PID1: variants seen among roughly 807,000 people sequenced by gnomAD.
The protein encoded by PID1 is phosphotyrosine interaction domain containing 1, also known as PTB-containing, cubilin and LRP1-interacting protein.
In PID1, 10 loss-of-function variants were observed where a neutral mutation model predicts 19.1. The observed-to-expected ratio is 0.52, with a 90% CI of 0.32 to 0.89. The LOEUF is 0.89. Ranked by LOEUF, PID1 falls within the 40% of genes least tolerant of loss-of-function variation. The probability of loss-of-function intolerance (pLI) is 0.03; values close to 1 mark genes in which losing one functional copy is unlikely to be tolerated. For synonymous variants in PID1, 130 were observed against 116.0 expected (o/e 1.12, Z -0.78); for missense variants, 248 against 285.3 (o/e 0.87, Z 0.94).
chr2:229,046,985 T>C (rs1693895611), intron 2 of PID1, among the ~76,000 whole-genome samples: 1 of 152,180 alleles, frequency 6.6e-6, no homozygotes, highest in Admixed American at 6.5e-5. Flanking sequence ...CCTACCATCT[T>C]GATAGCTGCA....
intron 2 of PID1, among the ~76,000 whole-genome samples, chr2:229,114,325 T>C (rs1321273868): frequency 6.6e-6 from 1 of 152,126 alleles, no homozygotes; most frequent in Non-Finnish European, 1.5e-5. Flanking sequence ...ATTTAAGAAG[T>C]GCAGCTGTCT....
intron 1 of PID1, among the ~76,000 whole-genome samples, chr2:229,226,005 T>G (rs1268681713): frequency 6.6e-6 from 1 of 152,146 alleles, no homozygotes; most frequent in Admixed American, 6.5e-5. Context: ...TGAGAGACCA[T>G]AAGAATGTCC....
At position 229,128,467 on chromosome 2, in the gene PID1, G is replaced by T. The variant is rs532318500; in HGVS notation, c.177+27351C>A. Reference sequence around the variant, plus strand: ...GAAATGTACAAATGGACTTATTTATGACTTTTGTTGCTTTGATACGAAAAC... The same window carrying T: ...GAAATGTACAAATGGACTTATTTATTACTTTTGTTGCTTTGATACGAAAAC... On this transcript the variant is annotated intron_variant, in intron 2 of 2. Transcript: ENST00000392055. Among the ~76,000 whole-genome samples the T allele has an allele frequency of 3.3e-5, 5 of 152,202 alleles. No homozygotes were observed. In the South Asian group the frequency reaches 1.0e-3, roughly 32 times the overall value.
intron 2 of PID1, among the ~76,000 whole-genome samples, chr2:229,073,063 T>C (rs894596907): frequency 4.6e-5 from 7 of 152,226 alleles, no homozygotes; most frequent in African/African-American, 1.7e-4. Context: ...TCTCGCTCTG[T>C]CACCCAGGCT....
chr2:229,196,312 A>C (rs1325698627), intron 1 of PID1, among the ~76,000 whole-genome samples: 1 of 152,098 alleles, frequency 6.6e-6, no homozygotes, highest in African/African-American at 2.4e-5. Context: ...TAGCCTTTTC[A>C]AACATATTTT....
intron 1 of PID1, among the ~76,000 whole-genome samples, chr2:229,176,795 G>A (rs1470068504): frequency 6.6e-6 from 1 of 152,198 alleles, no homozygotes; most frequent in Non-Finnish European, 1.5e-5. Context: ...AGCAGTAGGT[G>A]AAGAAAGAAT....
chr2:229,087,435 A>G (rs1694790992), intron 2 of PID1, among the ~76,000 whole-genome samples: 1 of 152,198 alleles, frequency 6.6e-6, no homozygotes, highest in Non-Finnish European at 1.5e-5. Context: ...CTTGGGAGAT[A>G]GTGACTGGCA....
In PID1 at chr2:229,060,770, G is replaced by T. The variant is rs553132090; in HGVS notation, c.178-34662C>A. On this transcript the variant is annotated intron_variant, in intron 2 of 2. Transcript: ENST00000392055. The stretch of plus-strand genomic sequence containing the variant: ...AGATTTCCCTTTTCTCCATACCCTC[G>T]CCAACACTTCTTACCATCTGTCTTT... 2.6e-4 allele frequency among the ~76,000 whole-genome samples: 39 copies of T among 151,794 alleles called. No homozygotes were observed. The South Asian group carries it at 5.8e-3, about 23-fold the overall frequency.
chr2:229,107,390 A>C (rs1369412502), intron 2 of PID1, among the ~76,000 whole-genome samples: 2 of 152,022 alleles, frequency 1.3e-5, no homozygotes, highest in Non-Finnish European at 2.9e-5. Context: ...ACTCAATGGG[A>C]ATAGGAGACA....
chr2:229,254,621 T>C (rs556060286), intron 1 of PID1, among the ~76,000 whole-genome samples: 2 of 152,332 alleles, frequency 1.3e-5, no homozygotes, highest in South Asian at 2.1e-4. Flanking sequence ...TTGGTTATAA[T>C]TCTAGTCTAG....
At chr2:229,186,394 GT>G (rs1559276043) in intron 1 of PID1, among the ~76,000 whole-genome samples, 1 of 152,152 alleles carries the variant, frequency 6.6e-6, no homozygotes, top group East Asian at 1.9e-4. Context: ...TTGTGTGGGG[GT>G]TTTGACCACA....
chr2:229,062,883 C>A (rs1485413594), intron 2 of PID1, among the ~76,000 whole-genome samples: 1 of 151,834 alleles, frequency 6.6e-6, no homozygotes. Context: ...GTATTCATTT[C>A]TTCTAGGTTA....
intron 1 of PID1, among the ~76,000 whole-genome samples, chr2:229,212,926 C>T (rs1011257660): frequency 6.6e-6 from 1 of 152,098 alleles, no homozygotes; most frequent in Non-Finnish European, 1.5e-5. Context: ...ATCCCCATCC[C>T]GTGACCCCAA....
intron 2 of PID1, among the ~76,000 whole-genome samples, chr2:229,077,961 T>C (rs1223145077): frequency 6.6e-6 from 1 of 152,238 alleles, no homozygotes; most frequent in African/African-American, 2.4e-5. Flanking sequence ...ATTGAATCTA[T>C]AAATTACTTT....
intron 2 of PID1, among the ~76,000 whole-genome samples, chr2:229,119,936 C>T (rs1184107991): frequency 6.6e-6 from 1 of 152,146 alleles, no homozygotes; most frequent in African/African-American, 2.4e-5. Context: ...ATTCTCCTGC[C>T]TGTGATGCTC....
chr2:229,034,714 G>A (rs539931448), intron 2 of PID1, among the ~76,000 whole-genome samples: 3 of 151,738 alleles, frequency 2.0e-5, no homozygotes, highest in East Asian at 1.9e-4. Flanking sequence ...ACTTCAAAAG[G>A]GCCAAGGAAA....
In PID1 at chr2:229,093,138, C is replaced by CT. The variant is rs869034125; in HGVS notation, c.177+62679dup. 7.8e-3 allele frequency among the ~76,000 whole-genome samples: 191 copies of CT among 24,516 alleles called. 5 individuals are homozygous for CT. Among genetic ancestry groups the CT allele is most frequent in the South Asian group, 0.038 (15 of 394 alleles). The allele number at this position is 24,516 out of a possible 152,430, so 16.1% of individuals were successfully genotyped here. On this transcript the variant is annotated intron_variant, in intron 2 of 2. Transcript: ENST00000392055. ...CTGGTCTTTCTTTCTTTTTCTTTTTCTTTTTTTTTTTTGAGATGGAGTCTC... is the reference window on the plus strand; with the variant it reads ...CTGGTCTTTCTTTCTTTTTCTTTTTCTTTTTTTTTTTTTGAGATGGAGTCTC...
intron 2 of PID1, among the ~76,000 whole-genome samples, chr2:229,062,149 C>T (rs938447696): frequency 6.6e-6 from 1 of 151,860 alleles, no homozygotes; most frequent in East Asian, 1.9e-4. Context: ...ATAAGAGTGG[C>T]CATCATTGTT....
At chr2:229,047,380 G>A (rs1023112039) in intron 2 of PID1, among the ~76,000 whole-genome samples, 1 of 152,088 alleles carries the variant, frequency 6.6e-6, no homozygotes, top group South Asian at 2.1e-4. Flanking sequence ...ATGGTCTTTT[G>A]GTCCCACAGT....
Sources: allele counts gnomAD v4.1 joint callset (sites outside exome capture counted in the v4.1 genomes callset), GRCh38; gene constraint gnomAD v4.1.1; transcripts MANE v1.5; gene names NCBI Gene and HGNC (gene_info 2026-07-23, HGNC 2026-07-21).